PCDH15: variants seen among roughly 807,000 people sequenced by gnomAD.
PCDH15 encodes the protein protocadherin-15.
PCDH15 carries 129 observed loss-of-function variants against 178.5 expected under a neutral mutation model. The ratio of observed to expected loss-of-function variants is 0.72; its 90% CI spans 0.63 to 0.84. The LOEUF (loss-of-function observed/expected upper bound fraction) is 0.84, where lower values mean the gene tolerates loss of function less well. Ranked by LOEUF, PCDH15 falls within the 40% of genes least tolerant of loss-of-function variation. The pLI is 0.00. For missense variants in PCDH15, 2,230 were observed against 2,099.9 expected (o/e 1.06, Z -1.21); for synonymous variants, 800 against 732.0 (o/e 1.09, Z -1.50).
chr10:55,300,279 G>C (rs1426406039), intron 1 of PCDH15, among the ~76,000 whole-genome samples: 1 of 152,072 alleles, frequency 6.6e-6, no homozygotes, highest in Non-Finnish European at 1.5e-5. Flanking sequence ...CTTGTTTTCA[G>C]TACATACAGA....
intron 10 of PCDH15, among the ~76,000 whole-genome samples, chr10:54,212,618 G>A (rs984530056): frequency 6.6e-6 from 1 of 151,940 alleles, no homozygotes; most frequent in Non-Finnish European, 1.5e-5. Context: ...TGTCGTTACC[G>A]CTTTTTACAC....
chr10:54,804,927 T>TTTTATATATATATATATATATATATA (rs536235796), upstream of PCDH15, among the ~76,000 whole-genome samples: 6 of 50,844 alleles, frequency 1.2e-4, no homozygotes, highest in African/African-American at 1.9e-4. Flanking sequence ...TCATAGTAGA[T>TTTTATATATATATATATATATATATA]TATATATATA....
intron 20 of PCDH15, among the ~76,000 whole-genome samples, chr10:54,017,529 A>C (rs2384366): frequency 0.048 from 7,267 of 152,266 alleles, 565 homozygotes; most frequent in African/African-American, 0.16. Context: ...TAAACAAATT[A>C]ATTCAGGAGC....
At chr10:55,020,758 G>C (rs1840307749) in intron 2 of PCDH15, among the ~76,000 whole-genome samples, 2 of 151,954 alleles carry the variant, frequency 1.3e-5, no homozygotes. Flanking sequence ...AATTCTAGTG[G>C]GCTCCAAGAT....
chr10:53,945,653 A>C (rs2134123125), intron 23 of PCDH15, among the ~76,000 whole-genome samples: 1 of 151,872 alleles, frequency 6.6e-6, no homozygotes, highest in Non-Finnish European at 1.5e-5. Context: ...TAGCTTTATT[A>C]GATCACTATT....
intron 21 of PCDH15, 102 bp from the exon 22 acceptor site, chr10:53,961,994 G>A: frequency 2.0e-6 from 2 of 990,244 alleles, no homozygotes; most frequent in South Asian, 1.4e-5. Flanking sequence ...TTTTAGAAGT[G>A]AAAATCATAT....
In PCDH15 at chr10:54,954,563, A is replaced by C. The variant is rs146189108; in HGVS notation, c.-79-57063T>G. Reference sequence around the variant, plus strand: ...TTTCAAAATCTACCATTATGCCCTGACCTCTACAGTTATTCCAACAAAACA... The same window carrying C: ...TTTCAAAATCTACCATTATGCCCTGCCCTCTACAGTTATTCCAACAAAACA... On this transcript the variant is annotated intron_variant, in intron 2 of 5. Transcript: ENST00000458638. Among the ~76,000 whole-genome samples, 1,145 of 151,282 alleles carry C rather than the reference A, an allele frequency of 7.6e-3. 16 individuals carry two copies. The highest frequency in any genetic ancestry group is 0.026 in the African/African-American group (1,089 of 41,472).
chr10:55,554,571 CG>C (rs1294018241), intron 2 of PCDH15, among the ~76,000 whole-genome samples: 1 of 151,914 alleles, frequency 6.6e-6, no homozygotes. Flanking sequence ...TAATCAAACA[CG>C]GATCGAAAAT....
intron 2 of PCDH15, among the ~76,000 whole-genome samples, chr10:55,106,073 G>T (rs1332313658): frequency 6.6e-6 from 1 of 150,994 alleles, no homozygotes; most frequent in African/African-American, 2.4e-5. Context: ...TTTAATCAGT[G>T]TGTTGACTAT....
chr10:54,533,728 T>G (rs182223357), intron 2 of PCDH15, among the ~76,000 whole-genome samples: 5 of 152,336 alleles, frequency 3.3e-5, no homozygotes, highest in Admixed American at 2.0e-4. Context: ...AGTAGAGTAT[T>G]TGACTTAACA....
chr10:55,312,709 C>A (rs1420195822), intron 1 of PCDH15, among the ~76,000 whole-genome samples: 2 of 152,114 alleles, frequency 1.3e-5, no homozygotes, highest in African/African-American at 4.8e-5. Flanking sequence ...CCTCCGCCTT[C>A]TGGGTTCAAG....
At chr10:54,435,194 A>C (rs2075301968) in intron 3 of PCDH15, among the ~76,000 whole-genome samples, 1 of 152,080 alleles carries the variant, frequency 6.6e-6, no homozygotes, top group Non-Finnish European at 1.5e-5. Flanking sequence ...CCATACATTT[A>C]TTGGTCTTCT....
At chr10:55,153,006 A>G (rs1282517427) in intron 2 of PCDH15, among the ~76,000 whole-genome samples, 1 of 152,086 alleles carries the variant, frequency 6.6e-6, no homozygotes, top group African/African-American at 2.4e-5. Flanking sequence ...AGCCATAACT[A>G]ATAAATAATA....
intron 2 of PCDH15, among the ~76,000 whole-genome samples, chr10:55,134,238 C>T (rs1025065122): frequency 6.6e-6 from 1 of 152,126 alleles, no homozygotes; most frequent in Non-Finnish European, 1.5e-5. Flanking sequence ...AACCTTGAAA[C>T]CTTTGGACTG....
intron 1 of PCDH15, among the ~76,000 whole-genome samples, chr10:54,740,931 A>G (rs1944718531): frequency 6.6e-6 from 1 of 151,972 alleles, no homozygotes; most frequent in African/African-American, 2.4e-5. Flanking sequence ...ATATAGATAG[A>G]AGGCACAATT....
At chr10:55,480,882 A>C (rs993079393) in intron 2 of PCDH15, among the ~76,000 whole-genome samples, 1 of 151,724 alleles carries the variant, frequency 6.6e-6, no homozygotes, top group East Asian at 1.9e-4. Context: ...TCTCCTTTTC[A>C]ATTTTTTGGA....
At chr10:55,203,815 A>T (rs1460795806) in intron 1 of PCDH15, among the ~76,000 whole-genome samples, 2 of 152,042 alleles carry the variant, frequency 1.3e-5, no homozygotes, top group African/African-American at 2.4e-5. Flanking sequence ...AATTTTTAAA[A>T]AGTGTTCTAC....
At chr10:54,348,010 G>A (rs1292358640) in intron 5 of PCDH15, among the ~76,000 whole-genome samples, 8 of 151,768 alleles carry the variant, frequency 5.3e-5, no homozygotes, top group Admixed American at 2.6e-4. Context: ...CACCACGCCC[G>A]GCTAATTTTT....
At chr10:54,155,480 C>T (rs1022775723) in intron 13 of PCDH15, among the ~76,000 whole-genome samples, 3 of 152,074 alleles carry the variant, frequency 2.0e-5, no homozygotes, top group East Asian at 3.9e-4. Context: ...CTAGATAACA[C>T]TATTTTTCAG....
Sources: allele counts gnomAD v4.1 joint callset (sites outside exome capture counted in the v4.1 genomes callset), GRCh38; gene constraint gnomAD v4.1.1; transcripts MANE v1.5; gene names NCBI Gene and HGNC (gene_info 2026-07-23, HGNC 2026-07-21).